Variants in TDRD6 observed in about 807,000 individuals in gnomAD.
The protein encoded by TDRD6 is tudor domain-containing protein 6.
Under a neutral mutation model 157.5 loss-of-function variants are expected in TDRD6, and 186 were observed. That is an observed-to-expected ratio of 1.18 (90% CI 1.05 to 1.33). TDRD6 has a LOEUF of 1.33. Ranked by LOEUF, TDRD6 falls within the 40% of genes most tolerant of loss-of-function variation. TDRD6 has a pLI of 0.00. For missense variants in TDRD6, 3,066 were observed against 2,508.0 expected (o/e 1.22, Z -4.75); for synonymous variants, 1,075 against 945.2 (o/e 1.14, Z -2.52).
Position 46,690,100 on chromosome 6 carries a change from A to G in TDRD6, c.1972A>G (p.Lys658Glu). 3 of 1,613,944 alleles carry G rather than the reference A, an allele frequency of 1.9e-6. No homozygotes were observed. In the African/African-American group the frequency reaches 4.0e-5, roughly 22 times the overall value. Residue 658 changes from lysine (K) to glutamate (E), a missense_variant, in exon 1 of 4, where the codon AAG (lysine) becomes GAG (glutamate). Lys to Glu is a moderately conservative substitution (Grantham distance 56). Coordinates refer to ENST00000316081, the MANE Select transcript of TDRD6 (RefSeq NM_001010870.3). Reference protein sequence around the residue: ...ESRTGEENISKVIAQAGYAKY... With the variant: ...ESRTGEENISEVIAQAGYAKY... The stretch of plus-strand genomic sequence containing the variant: ...AAGAACAGGGGAAGAAAACATTAGT[A>G]AGGTAATTGCCCAAGCTGGATATGC...
chr6:46,684,762 G>A (rs545636272), upstream of TDRD6, among the ~76,000 whole-genome samples: 1 of 151,936 alleles, frequency 6.6e-6, no homozygotes, highest in African/African-American at 2.4e-5. Context: ...ACCCATCGAA[G>A]GGCATTTAGG....
intron 1 of TDRD6, 105 bp downstream of exon 1, chr6:46,694,279 T>G: frequency 1.3e-6 from 1 of 760,684 alleles, no homozygotes; most frequent in Non-Finnish European, 2.0e-6. Flanking sequence ...CTTGGCTCAC[T>G]GCAGCCTCTG....
At position 46,688,066 on chromosome 6, in the gene TDRD6, A is replaced by G; in HGVS notation, c.-63A>G. 1.4e-6 allele frequency: 2 copies of G among 1,410,428 alleles called. No individual in the cohort carries two copies. Among genetic ancestry groups the G allele is most frequent in the Middle Eastern group, 2.6e-4 (1 of 3,810 alleles). The allele number at this position is 1,410,428 out of a possible 1,614,324, so 87.4% of individuals were successfully genotyped here. On this transcript the variant is annotated 5_prime_UTR_variant, in exon 1 of 4. Coordinates refer to ENST00000316081, the MANE Select transcript of TDRD6 (RefSeq NM_001010870.3). ...GACTCGCCTTCAGGCGGCGCGGAGG[A>G]TTTCGAGGCCCTGAGGCGCGGCCCT... is the stretch of plus-strand genomic sequence containing the variant.
chr6:46,687,821 A>T (rs1582537149), upstream of TDRD6: 12 of 333,372 alleles, frequency 3.6e-5, no homozygotes, highest in East Asian at 7.8e-4. Flanking sequence ...GGCCAACCCC[A>T]GGCCTCGGCT....
rs1255016496 is a variant in TDRD6, at chr6:46,690,690, T to C, written c.2562T>C (p.Tyr854=). 1 of 1,614,072 alleles carries C rather than the reference T, an allele frequency of 6.2e-7. No individual in the cohort carries two copies. Among genetic ancestry groups the C allele is most frequent in the East Asian group, 2.2e-5 (1 of 44,898 alleles). The change falls in exon 1 of 4, where the codon TAT becomes TAC. Residue 854 remains tyrosine, a synonymous_variant. Transcript: ENST00000316081. ...ATGTCAATGTAACATTTGTAGATTA[T>C]GGAGACAGAGAAATGGTATCTGTGA... The part of the protein sequence containing the change: ...VEHVNVTFVD[Y]GDREMVSVKN...
the TDRD6 span, among the ~76,000 whole-genome samples, chr6:46,682,037 T>C: frequency 6.6e-6 from 1 of 152,070 alleles, no homozygotes; most frequent in Non-Finnish European, 1.5e-5. Context: ...TTTAAAATGG[T>C]TTCAATGGTA....
the TDRD6 span, chr6:46,681,514 T>C: frequency 1.7e-5 from 8 of 470,872 alleles, no homozygotes; most frequent in South Asian, 1.1e-4. Flanking sequence ...TCCCCATACT[T>C]TACCCCCAAC....
chr6:46,684,228 A>C (rs951548329), upstream of TDRD6, among the ~76,000 whole-genome samples: 7 of 152,174 alleles, frequency 4.6e-5, no homozygotes, highest in Non-Finnish European at 1.0e-4. Flanking sequence ...ATTTTGAAAT[A>C]ATTTTAGATT....
rs777450009 is a variant in TDRD6, at chr6:46,698,047, T to A, written c.6221T>A (p.Val2074Asp). 3 of 1,611,280 alleles carry A rather than the reference T, an allele frequency of 1.9e-6. No individual in the cohort carries two copies. The South Asian group carries it at 3.3e-5, about 18-fold the overall frequency. The part of the protein sequence containing the change: ...GMEEIVNPEN[V>D]WNGIPKLDKS... ...GAGGAGATAGTGAACCCTGAGAATG[T>A]CTGGAATGGCATACCCAAATTGGAT... Residue 2074 changes from valine to aspartate, a missense_variant, in exon 3 of 4, where the codon GTC (valine) becomes GAC (aspartate). Val to Asp is a radical substitution (Grantham distance 152). Coordinates refer to ENST00000316081, the MANE Select transcript of TDRD6 (RefSeq NM_001010870.3).
chr6:46,702,075 A>G lies in TDRD6; in HGVS notation c.*188A>G. 1.9e-6 allele frequency: 1 copy of G among 529,546 alleles called. No individual in the cohort carries two copies. Among genetic ancestry groups the G allele is most frequent in the Non-Finnish European group, 3.4e-6 (1 of 296,406 alleles). 32.8% of individuals were successfully genotyped at this position (529,546 alleles called of 1,614,324 possible). A position where few individuals can be genotyped will look rare whatever the true frequency, so the allele number is the denominator to read the frequency against. ...TTGATGGTGGGGTGTGTTTATAGTG[A>G]TCCTGTTATATATACAGATCTGGGA... On this transcript the variant is annotated 3_prime_UTR_variant, in exon 4 of 4. Transcript: ENST00000316081.
chr6:46,696,895 G>A (rs1221698010), intron 2 of TDRD6, among the ~76,000 whole-genome samples: 1 of 152,022 alleles, frequency 6.6e-6, no homozygotes, highest in East Asian at 1.9e-4. Flanking sequence ...ACAGGCATGA[G>A]CCACTGCGCC....
chr6:46,688,274 A>G lies in TDRD6; in HGVS notation c.146A>G (p.Glu49Gly), dbSNP rs748227847. ...GGCGAGTACCTGCGGCTGAGCCGGG[A>G]AATCCAGGAAGCGGCGGCCACGCGC... ...RRGEYLRLSR[E>G]IQEAAATRGQ... Residue 49 changes from glutamate to glycine, a missense_variant, in exon 1 of 4, where the codon GAA (glutamate) becomes GGA (glycine). Physicochemically the swap from Glu to Gly is moderately conservative, Grantham distance 98. Transcript: ENST00000316081. 4 of 1,502,578 alleles carry G rather than the reference A, an allele frequency of 2.7e-6. No homozygotes were observed. The highest frequency in any genetic ancestry group is 1.4e-5 in the African/African-American group (1 of 69,492). 93.1% of individuals were successfully genotyped at this position (1,502,578 alleles called of 1,614,324 possible).
rs1448387854 is a variant in TDRD6, at chr6:46,696,822, A to G, written c.6171+877A>G. Among the ~76,000 whole-genome samples the G allele has an allele frequency of 2.0e-5, 3 of 150,794 alleles. No homozygotes were observed. The East Asian group carries it at 5.9e-4, about 30-fold the overall frequency. ...GAGACGGGGTTTCACCTTGTTAGCG[A>G]GGATGGTCTCGATCTCCTGACCTTG... On this transcript the variant is annotated intron_variant, in intron 2 of 3. Transcript: ENST00000316081.
chr6:46,688,669 C>G lies in TDRD6; in HGVS notation c.541C>G (p.Leu181Val), dbSNP rs1485490957. The G allele has an allele frequency of 6.3e-7, 1 of 1,599,928 alleles. No homozygotes were observed. Among genetic ancestry groups the G allele is most frequent in the Non-Finnish European group, 8.5e-7 (1 of 1,179,862 alleles). ...CGTGCTGCTGCTCCATCGCCTGGTC[C>G]TCCTGGAGGTGCCTGATGTGTTCCA... Reference protein sequence around the residue: ...LDVLLLHRLVLLEVPDVFQQM... With the variant: ...LDVLLLHRLVVLEVPDVFQQM... The change falls in exon 1 of 4, where the codon CTC becomes GTC. Residue 181 changes from leucine (L) to valine (V), a missense_variant. By Grantham distance (32) the Leu-to-Val change is conservative. Coordinates refer to ENST00000316081, the MANE Select transcript of TDRD6 (RefSeq NM_001010870.3).
At position 46,691,152 on chromosome 6, in the gene TDRD6, T is replaced by A. The variant is rs1443222494; in HGVS notation, c.3024T>A (p.Asn1008Lys). Residue 1008 changes from asparagine to lysine, a missense_variant, in exon 1 of 4, where the codon AAT (asparagine) becomes AAA (lysine). Physicochemically the swap from Asn to Lys is moderately conservative, Grantham distance 94. Transcript: ENST00000316081. ...CATTTTATTGCCAGCTGGCAAGAAA[T>A]GCAAATATTTTAGAACAGTTGTCAT... ...PWTFYCQLAR[N>K]ANILEQLSCS... 6.2e-7 allele frequency: 1 copy of A among 1,613,738 alleles called. No individual in the cohort carries two copies. Among genetic ancestry groups the A allele is most frequent in the Non-Finnish European group, 8.5e-7 (1 of 1,179,878 alleles).
Position 46,696,435 on chromosome 6 carries a change from C to T in TDRD6, c.6171+490C>T, listed in dbSNP as rs539062770. Among the ~76,000 whole-genome samples, 98 of 138,452 alleles carry T rather than the reference C, an allele frequency of 7.1e-4. No homozygotes were observed. The South Asian group carries it at 0.021, about 29-fold the overall frequency. The allele number at this position is 138,452 out of a possible 152,430, so 90.8% of individuals were successfully genotyped here. On this transcript the variant is annotated intron_variant, in intron 2 of 3. Transcript: ENST00000316081. ...TCCCGTGATTTGAAAACCACCTGTT[C>T]GAGAGTTACTTGGTATATATATATA...
At position 46,689,419 on chromosome 6, in the gene TDRD6, C is replaced by T. The variant is rs1764236131; in HGVS notation, c.1291C>T (p.Leu431=). ...VSLYGEDGIN[L]NRVFGVQSCC... Reference sequence around the variant, plus strand: ...CCTGTATGGAGAAGATGGGATTAATCTGAACCGTGTGTTTGGAGTACAGTC... The same window carrying T: ...CCTGTATGGAGAAGATGGGATTAATTTGAACCGTGTGTTTGGAGTACAGTC... The change falls in exon 1 of 4, where the codon CTG becomes TTG. Residue 431 remains leucine (L), a synonymous_variant. Coordinates refer to ENST00000316081, the MANE Select transcript of TDRD6 (RefSeq NM_001010870.3). 1 of 1,613,400 alleles carries T rather than the reference C, an allele frequency of 6.2e-7. No homozygotes were observed. Among genetic ancestry groups the T allele is most frequent in the Non-Finnish European group, 8.5e-7 (1 of 1,180,018 alleles).
In TDRD6 at chr6:46,692,186, T is replaced by C; in HGVS notation, c.4058T>C (p.Leu1353Ser). 6.2e-7 allele frequency: 1 copy of C among 1,614,182 alleles called. No individual in the cohort carries two copies. Among genetic ancestry groups the C allele is most frequent in the Non-Finnish European group, 8.5e-7 (1 of 1,180,002 alleles). Residue 1353 changes from leucine to serine, a missense_variant, in exon 1 of 4, where the codon TTG becomes TCG. Coordinates refer to ENST00000316081, the MANE Select transcript of TDRD6 (RefSeq NM_001010870.3). Reference protein sequence around the residue: ...TRPEYYVGPPLQRGDMICAVF... With the variant: ...TRPEYYVGPPSQRGDMICAVF... ...CCCGAATATTATGTAGGTCCACCTT[T>C]GCAAAGAGGAGATATGATATGTGCT...
rs748724178 is a variant in TDRD6 at position 46,688,105 on chromosome 6, TG to T, written c.-19del. The stretch of plus-strand genomic sequence containing the variant: ...AGGCGCGGCCCTTAATTTCCGGAAG[TG>T]GGGGCCGCGCCGCGCCGTCAAGATG... On this transcript the variant is annotated 5_prime_UTR_variant, in exon 1 of 4. Transcript: ENST00000316081. The T allele has an allele frequency of 2.8e-5, 41 of 1,447,766 alleles. No individual in the cohort carries two copies. In the African/African-American group the frequency reaches 4.7e-4, roughly 17 times the overall value. 89.7% of individuals were successfully genotyped at this position (1,447,766 alleles called of 1,614,324 possible).
Sources: allele counts gnomAD v4.1 joint callset (sites outside exome capture counted in the v4.1 genomes callset), GRCh38; gene constraint gnomAD v4.1.1; transcripts MANE v1.5; gene names NCBI Gene and HGNC (gene_info 2026-07-23, HGNC 2026-07-21).